DYNLRB2: variants seen among roughly 807,000 people sequenced by gnomAD.
DYNLRB2 encodes the protein dynein light chain roadblock-type 2.
In DYNLRB2, 14 loss-of-function variants were observed where a neutral mutation model predicts 12.6. The observed-to-expected ratio is 1.11, with a 90% CI of 0.73 to 1.73. The LOEUF (loss-of-function observed/expected upper bound fraction) is 1.73, where lower values mean the gene tolerates loss of function less well. DYNLRB2 is among the 40% of genes most tolerant of loss of function. The probability of loss-of-function intolerance (pLI) is 0.00; values close to 1 mark genes in which losing one functional copy is unlikely to be tolerated. For missense variants in DYNLRB2, 142 were observed against 117.7 expected, an observed-to-expected ratio of 1.21 and a Z score of -0.95; for synonymous variants, 53 against 37.0, an observed-to-expected ratio of 1.43 and a Z score of -1.57.
intron 1 of DYNLRB2, chr16:80,541,329 A>T (rs1437719954): frequency 9.1e-6 from 9 of 983,832 alleles, no homozygotes; most frequent in Non-Finnish European, 1.1e-5. Flanking sequence ...GGTGATGTTG[A>T]GAAAGGGAAG....
intron 2 of DYNLRB2, among the ~76,000 whole-genome samples, chr16:80,548,464 C>G (rs112095050): frequency 6.6e-6 from 1 of 152,214 alleles, no homozygotes; most frequent in East Asian, 1.9e-4. Flanking sequence ...TGGTGGCTCA[C>G]GCCTGTAAAC....
upstream of DYNLRB2, chr16:80,540,917 G>C: frequency 1.5e-6 from 2 of 1,327,688 alleles, no homozygotes; most frequent in South Asian, 1.3e-5. Flanking sequence ...CATCAGGAGC[G>C]CGGTCAGGGC....
intron 2 of DYNLRB2, chr16:80,544,690 T>C (rs1334478216): frequency 6.6e-6 from 1 of 152,220 alleles, no homozygotes; most frequent in Non-Finnish European, 1.5e-5. Flanking sequence ...CAGAAACGTA[T>C]TCTCTTCCAG....
At chr16:80,549,320 G>A (rs975208200) in intron 2 of DYNLRB2, 164 bp from the exon 3 acceptor site, 20 of 640,412 alleles carry the variant, frequency 3.1e-5, no homozygotes, top group South Asian at 5.6e-5. Flanking sequence ...TCTACGTAGC[G>A]ACAAAAGGAT....
rs139261212 is a variant in DYNLRB2, at chr16:80,550,538, A to G, written c.271A>G (p.Ile91Val). ...APDKEYLLIVIQNPCE is the reference protein window; with the variant it reads ...APDKEYLLIVVQNPCE ...AGATAAGGAATATCTTCTGATCGTCATTCAGAATCCATGTGAATAGACCTG... is the reference window on the plus strand; with the variant it reads ...AGATAAGGAATATCTTCTGATCGTCGTTCAGAATCCATGTGAATAGACCTG... Residue 91 changes from isoleucine (I) to valine (V), a missense_variant, in exon 4 of 4, where the codon ATT (isoleucine) becomes GTT (valine). Physicochemically the swap from Ile to Val is conservative, Grantham distance 29. Coordinates refer to ENST00000305904, the MANE Select transcript of DYNLRB2 (RefSeq NM_130897.3). The G allele has an allele frequency of 6.2e-6, 10 of 1,614,200 alleles. No individual in the cohort carries two copies. The South Asian group carries it at 1.1e-4, about 18-fold the overall frequency.
intron 1 of DYNLRB2, chr16:80,541,542 A>G (rs1904288178): frequency 2.7e-6 from 1 of 374,862 alleles, no homozygotes; most frequent in Non-Finnish European, 3.7e-6. Context: ...GAAATAAAGA[A>G]AAAGGAAAGA....
chr16:80,542,461 G>T (rs748818762), intron 1 of DYNLRB2, among the ~76,000 whole-genome samples: 1 of 152,128 alleles, frequency 6.6e-6, no homozygotes, highest in African/African-American at 2.4e-5. Flanking sequence ...ATGTTCACCT[G>T]TGCAATACTG....
chr16:80,541,019 G>T lies in DYNLRB2; in HGVS notation c.-58G>T. On this transcript the variant is annotated 5_prime_UTR_variant, in exon 1 of 4. Transcript: ENST00000305904. ...TCTCCTAGCAACGGCGGGTAGCGTT[G>T]TTGACATCCCGGGAGGCTGTGCCGC... The T allele has an allele frequency of 6.3e-7, 1 of 1,590,786 alleles. No individual in the cohort carries two copies. Among genetic ancestry groups the T allele is most frequent in the Admixed American group, 1.7e-5 (1 of 58,660 alleles).
intron 1 of DYNLRB2, 93 bp downstream of exon 1, chr16:80,541,172 G>T: frequency 2.0e-6 from 3 of 1,503,044 alleles, no homozygotes; most frequent in East Asian, 4.8e-5. Context: ...ACCCAGGCAC[G>T]GGCGGTCCAG....
chr16:80,550,538 A>C lies in DYNLRB2; in HGVS notation c.271A>C (p.Ile91Leu), dbSNP rs139261212. Reference sequence around the variant, plus strand: ...AGATAAGGAATATCTTCTGATCGTCATTCAGAATCCATGTGAATAGACCTG... The same window carrying C: ...AGATAAGGAATATCTTCTGATCGTCCTTCAGAATCCATGTGAATAGACCTG... ...APDKEYLLIVIQNPCE is the reference protein window; with the variant it reads ...APDKEYLLIVLQNPCE The change falls in exon 4 of 4, where the codon ATT (isoleucine) becomes CTT (leucine). Residue 91 changes from isoleucine to leucine, a missense_variant. Ile to Leu is a conservative substitution (Grantham distance 5). Coordinates refer to ENST00000305904, the MANE Select transcript of DYNLRB2 (RefSeq NM_130897.3). 246 of 1,614,200 alleles carry C rather than the reference A, an allele frequency of 1.5e-4. 2 individuals carry two copies. Among genetic ancestry groups the C allele is most frequent in the Middle Eastern group, 1.5e-3 (9 of 6,062 alleles).
chr16:80,549,495 C>A lies in DYNLRB2; in HGVS notation c.91C>A (p.Arg31=). 1 of 1,592,930 alleles carries A rather than the reference C, an allele frequency of 6.3e-7. No individual in the cohort carries two copies. The highest frequency in any genetic ancestry group is 8.6e-7 in the Non-Finnish European group (1 of 1,167,796). The change falls in exon 3 of 4, where the codon CGA becomes AGA. Residue 31 remains arginine, a synonymous_variant. Transcript: ENST00000305904. ...MVVNAEGIPI[R]TTLDNSTTVQ... The stretch of plus-strand genomic sequence containing the variant: ...AAATTTCATAATAGGTATTCCCATC[C>A]GAACAACCTTGGACAACTCAACAAC...
intron 1 of DYNLRB2, among the ~76,000 whole-genome samples, chr16:80,542,551 A>G (rs550014591): frequency 3.9e-5 from 6 of 152,214 alleles, no homozygotes; most frequent in Non-Finnish European, 7.3e-5. Flanking sequence ...GTCATGAAAA[A>G]TTTGCAGGTT....
At chr16:80,545,123 T>C (rs1383490412) in intron 2 of DYNLRB2, among the ~76,000 whole-genome samples, 1 of 152,146 alleles carries the variant, frequency 6.6e-6, no homozygotes, top group Non-Finnish European at 1.5e-5. Flanking sequence ...TGTGATTCTT[T>C]GGAAGATCTT....
At chr16:80,540,845 C>T, upstream of DYNLRB2, 1 of 752,314 alleles carries the variant, frequency 1.3e-6, no homozygotes, top group Non-Finnish European at 2.4e-6. Context: ...CAGGATTGGG[C>T]GAACCTCAGG....
rs1221717356 is a variant in DYNLRB2 at position 80,550,704 on chromosome 16, A to T, written c.*146A>T. The T allele has an allele frequency of 1.4e-5, 12 of 860,698 alleles. No individual in the cohort carries two copies. Among genetic ancestry groups the T allele is most frequent in the Non-Finnish European group, 1.8e-5 (10 of 541,368 alleles). The allele number at this position is 860,698 out of a possible 1,614,324, so 53.3% of individuals were successfully genotyped here. On this transcript the variant is annotated 3_prime_UTR_variant, in exon 4 of 4. Transcript: ENST00000305904. ...CTAAACTGTTCTGCATGTCTCATTT[A>T]GTCCCTTTTGATTATATTGTGAAGT...
At chr16:80,542,774 A>G (rs1019311776) in intron 1 of DYNLRB2, among the ~76,000 whole-genome samples, 10 of 152,216 alleles carry the variant, frequency 6.6e-5, no homozygotes, top group African/African-American at 2.2e-4. Flanking sequence ...ACTATCCTTT[A>G]AATTTAATCA....
intron 1 of DYNLRB2, among the ~76,000 whole-genome samples, chr16:80,542,765 C>A (rs1904299211): frequency 6.6e-6 from 1 of 152,190 alleles, no homozygotes; most frequent in Admixed American, 6.5e-5. Context: ...TTTTTATAGA[C>A]TATCCTTTAA....
In DYNLRB2 at chr16:80,543,337, T is replaced by C. The variant is rs1258364572; in HGVS notation, c.65T>C (p.Val22Ala). The change falls in exon 2 of 4, where the codon GTT (valine) becomes GCT (alanine). Residue 22 changes from valine to alanine, a missense_variant. Val to Ala is a moderately conservative substitution (Grantham distance 64). Transcript: ENST00000305904. ...CATAAAGGGGTTATTGGAACTATGG[T>C]TGTAAATGCAGAAGGTAAATATATC... ...QSHKGVIGTM[V>A]VNAEGIPIRT... The C allele has an allele frequency of 4.3e-6, 7 of 1,613,978 alleles. No individual in the cohort carries two copies. In the East Asian group the frequency reaches 8.9e-5, roughly 21 times the overall value.
At chr16:80,547,507 T>TTAC (rs149437977) in intron 2 of DYNLRB2, among the ~76,000 whole-genome samples, 1 of 9,700 alleles carries the variant, frequency 1.0e-4, no homozygotes, top group Non-Finnish European at 9.4e-3. Context: ...CCGTGCACAC[T>TTAC]TATTCAAAAA....
Sources: allele counts gnomAD v4.1 joint callset (sites outside exome capture counted in the v4.1 genomes callset), GRCh38; gene constraint gnomAD v4.1.1; transcripts MANE v1.5; gene names NCBI Gene and HGNC (gene_info 2026-07-23, HGNC 2026-07-21).